The following CKAP2L variants were observed in gnomAD, a reference collection of about 807,000 sequenced individuals.
CKAP2L encodes the protein cytoskeleton-associated protein 2-like.
Under a neutral mutation model 65.7 loss-of-function variants are expected in CKAP2L, and 42 were observed. The observed-to-expected ratio is 0.64, with a 90% CI of 0.50 to 0.83. The LOEUF is 0.83. Among genes scored for constraint, CKAP2L ranks in the 40% least tolerant of loss-of-function variants. The pLI is 0.00. For missense variants in CKAP2L, 908 were observed against 871.0 expected (o/e 1.04, Z -0.53); for synonymous variants, 325 against 313.5 (o/e 1.04, Z -0.39).
Position 112,756,799 on chromosome 2 carries a change from A to G in CKAP2L, c.572T>C (p.Ile191Thr). ...TGGCTTCCTCTCAGGTTCTGTTAAG[A>G]TATCGAGCAAGTTCTCTTTGTTTGT... is the stretch of plus-strand genomic sequence containing the variant. ...KETNKENLLD[I>T]LTEPERKPDP... Residue 191 changes from isoleucine to threonine, a missense_variant, in exon 4 of 9, where the codon ATC (isoleucine) becomes ACC (threonine). Coordinates refer to ENST00000302450, the MANE Select transcript of CKAP2L (RefSeq NM_152515.5). The G allele has an allele frequency of 6.2e-7, 1 of 1,603,536 alleles. No individual in the cohort carries two copies. The highest frequency in any genetic ancestry group is 8.5e-7 in the Non-Finnish European group (1 of 1,177,088).
intron 2 of CKAP2L, among the ~76,000 whole-genome samples, chr2:112,761,460 C>CAAA (rs1182818451): frequency 1.5e-4 from 4 of 26,374 alleles, no homozygotes; most frequent in South Asian, 1.1e-3. Context: ...GACTCCGTCT[C>CAAA]AAAAAAAAAA....
intron 4 of CKAP2L, among the ~76,000 whole-genome samples, chr2:112,754,378 A>T (rs1680471074): frequency 6.6e-6 from 1 of 151,658 alleles, no homozygotes; most frequent in Non-Finnish European, 1.5e-5. Flanking sequence ...CCTCACCTTC[A>T]CTCCAACCAC....
At chr2:112,748,837 T>A (rs566075809) in intron 5 of CKAP2L, among the ~76,000 whole-genome samples, 69 of 145,736 alleles carry the variant, frequency 4.7e-4, no homozygotes, top group Non-Finnish European at 9.3e-4. Flanking sequence ...TGCACTCCAA[T>A]CTAGGCAAAA....
At chr2:112,761,038 A>G (rs1157297927) in intron 2 of CKAP2L, among the ~76,000 whole-genome samples, 1 of 152,022 alleles carries the variant, frequency 6.6e-6, no homozygotes, top group Non-Finnish European at 1.5e-5. Context: ...GCATTCTCAC[A>G]ATATTAATGA....
Position 112,757,164 on chromosome 2 carries a change from T to A in CKAP2L, c.207A>T (p.Lys69Asn). The A allele has an allele frequency of 6.2e-7, 1 of 1,613,426 alleles. No homozygotes were observed. Among genetic ancestry groups the A allele is most frequent in the Non-Finnish European group, 8.5e-7 (1 of 1,179,630 alleles). The change falls in exon 4 of 9, where the codon AAA becomes AAT. Residue 69 changes from lysine (K) to asparagine (N), a missense_variant. Coordinates refer to ENST00000302450, the MANE Select transcript of CKAP2L (RefSeq NM_152515.5). ...DVTNHVVLPV[K>N]PKRSISIKLQ... ...GTTTAATGCTGATGGACCTTTTAGG[T>A]TTGACAGGCAAAACAACATGGTTGG...
chr2:112,760,639 C>G, intron 3 of CKAP2L, 74 bp downstream of exon 3: 1 of 754,854 alleles, frequency 1.3e-6, no homozygotes, highest in Non-Finnish European at 2.2e-6. Flanking sequence ...CTTTAGGTTG[C>G]TAACATCTTT....
intron 5 of CKAP2L, among the ~76,000 whole-genome samples, chr2:112,749,096 C>T (rs6706663): frequency 0.5 from 75,368 of 151,928 alleles, 19,212 homozygotes; most frequent in African/African-American, 0.63. Context: ...TAAATGTGTA[C>T]GAACTAAATT....
rs1180120070 is a variant in CKAP2L, at chr2:112,737,965, T to G, written c.*858A>C. The G allele has an allele frequency of 6.6e-6, 1 of 152,228 alleles. No individual in the cohort carries two copies. The highest frequency in any genetic ancestry group is 2.4e-5 in the African/African-American group (1 of 41,460). The allele number at this position is 152,228 out of a possible 1,614,324, so 9.4% of individuals were successfully genotyped here. On this transcript the variant is annotated 3_prime_UTR_variant, in exon 9 of 9. Transcript: ENST00000302450. ...TTGACTAGGTTTTTCTACACAATTA[T>G]ATTTACATAATGACTAAGGTAAAAC...
intron 1 of CKAP2L, 127 bp from the exon 2 acceptor site, chr2:112,762,696 C>CT (rs1680762118): frequency 1.4e-6 from 1 of 708,740 alleles, no homozygotes; most frequent in East Asian, 2.7e-5. Flanking sequence ...TATAAAATCC[C>CT]TAGTCCTATA....
intron 4 of CKAP2L, among the ~76,000 whole-genome samples, chr2:112,753,933 G>A (rs889207418): frequency 1.3e-5 from 2 of 152,082 alleles, no homozygotes; most frequent in Admixed American, 6.6e-5. Flanking sequence ...TGTAATTACC[G>A]TGTCTTATTT....
chr2:112,738,034 A>G lies in CKAP2L; in HGVS notation c.*789T>C, dbSNP rs535409974. 2 of 152,316 alleles carry G rather than the reference A, an allele frequency of 1.3e-5. No individual in the cohort carries two copies. The highest frequency in any genetic ancestry group is 4.8e-5 in the African/African-American group (2 of 41,572). 9.4% of individuals were successfully genotyped at this position (152,316 alleles called of 1,614,324 possible). A position where few individuals can be genotyped will look rare whatever the true frequency, so the allele number is the denominator to read the frequency against. On this transcript the variant is annotated 3_prime_UTR_variant, in exon 9 of 9. Coordinates refer to ENST00000302450, the MANE Select transcript of CKAP2L (RefSeq NM_152515.5). ...CCAGGAGGAAGAAAAAGCAACCTACAACAGTCTCTGGGGCTTGCACTGCCT... is the reference window on the plus strand; with the variant it reads ...CCAGGAGGAAGAAAAAGCAACCTACGACAGTCTCTGGGGCTTGCACTGCCT...
rs1680393223 is a variant in CKAP2L, at chr2:112,752,270, T to G, written c.1599A>C (p.Glu533Asp). ...NTLTECLNLI[E>D]GGVPSNEILN... is the part of the protein sequence containing the mutation. ...GGAGCTTATCTTCTTCACTTACCCC[T>G]TCGATGAGGTTCAGACATTCTGTCA... The change falls in exon 5 of 9, where the codon GAA becomes GAC. Residue 533 changes from glutamate (E) to aspartate (D), a missense_variant. Physicochemically the swap from Glu to Asp is conservative, Grantham distance 45. Transcript: ENST00000302450. 1 of 1,610,568 alleles carries G rather than the reference T, an allele frequency of 6.2e-7. No individual in the cohort carries two copies. Among genetic ancestry groups the G allele is most frequent in the African/African-American group, 1.3e-5 (1 of 74,774 alleles).
rs1680565320 is a variant in CKAP2L at position 112,757,107 on chromosome 2, G to C, written c.264C>G (p.Ser88=). ...TTGGTGGCTCCAACTTCGGCTTCTG[G>C]GACCCTGCAGTATTAGGTGGTCTGG... ...LQPRPPNTAG[S]QKPKLEPPKL... is the part of the protein sequence containing the mutation. The change falls in exon 4 of 9, where the codon TCC becomes TCG. Residue 88 remains serine, a synonymous_variant. Transcript: ENST00000302450. 6.2e-7 allele frequency: 1 copy of C among 1,614,086 alleles called. No individual in the cohort carries two copies. Among genetic ancestry groups the C allele is most frequent in the South Asian group, 1.1e-5 (1 of 91,078 alleles).
In CKAP2L at chr2:112,738,960, G is replaced by C; in HGVS notation, c.2101C>G (p.Pro701Ala). 6.2e-7 allele frequency: 1 copy of C among 1,614,118 alleles called. No homozygotes were observed. The highest frequency in any genetic ancestry group is 8.5e-7 in the Non-Finnish European group (1 of 1,180,018). ...SRIERAVSRY[P>A]EMLQEHDLVV... ...AAATCGTGTTCCTGCAGCATTTCTGGGTAGCGGGACACTGCTCGCTCAATC... is the reference window on the plus strand; with the variant it reads ...AAATCGTGTTCCTGCAGCATTTCTGCGTAGCGGGACACTGCTCGCTCAATC... Residue 701 changes from proline to alanine, a missense_variant, in exon 9 of 9, where the codon CCA becomes GCA. By Grantham distance (27) the Pro-to-Ala change is conservative. Coordinates refer to ENST00000302450, the MANE Select transcript of CKAP2L (RefSeq NM_152515.5).
chr2:112,756,318 G>C lies in CKAP2L; in HGVS notation c.1053C>G (p.Ile351Met). 6.2e-7 allele frequency: 1 copy of C among 1,613,800 alleles called. No homozygotes were observed. Among genetic ancestry groups the C allele is most frequent in the Non-Finnish European group, 8.5e-7 (1 of 1,179,854 alleles). ...QGEYNNRHPN[I>M]KQDQKSSQVC... ...CTTGGCTGGACTTCTGATCTTGCTT[G>C]ATGTTTGGATGTCTGTTGTTATATT... Residue 351 changes from isoleucine (I) to methionine (M), a missense_variant, in exon 4 of 9, where the codon ATC (isoleucine) becomes ATG (methionine). Coordinates refer to ENST00000302450, the MANE Select transcript of CKAP2L (RefSeq NM_152515.5).
chr2:112,750,919 T>C (rs568884363), intron 5 of CKAP2L, among the ~76,000 whole-genome samples: 1 of 152,094 alleles, frequency 6.6e-6, no homozygotes, highest in South Asian at 2.1e-4. Flanking sequence ...CAATAAAACC[T>C]GAGGTCTTTT....
In CKAP2L at chr2:112,761,954, GA is replaced by G. The variant is rs552990791; in HGVS notation, c.104+548del. 6.6e-5 allele frequency among the ~76,000 whole-genome samples: 10 copies of G among 152,262 alleles called. No individual in the cohort carries two copies. The East Asian group carries it at 1.9e-3, about 29-fold the overall frequency. ...ATAAATACTTAGCAACTCAAATGGG[GA>G]AAAAATTAATTAATGCTAAGAAAGG... On this transcript the variant is annotated intron_variant, in intron 2 of 8. Coordinates refer to ENST00000302450, the MANE Select transcript of CKAP2L (RefSeq NM_152515.5).
Position 112,737,149 on chromosome 2 carries a change from A to C in CKAP2L, c.*1674T>G, listed in dbSNP as rs2104823876. ...ACCATGTTGGTCAAGCTGGTCTTGA[A>C]CTCCTGACCTCAGGTGATTCACCCA... On this transcript the variant is annotated 3_prime_UTR_variant, in exon 9 of 9. Coordinates refer to ENST00000302450, the MANE Select transcript of CKAP2L (RefSeq NM_152515.5). The C allele has an allele frequency of 6.6e-6, 1 of 152,082 alleles. No homozygotes were observed. The highest frequency in any genetic ancestry group is 2.4e-5 in the African/African-American group (1 of 41,482). The allele number at this position is 152,082 out of a possible 1,614,324, so 9.4% of individuals were successfully genotyped here.
In CKAP2L at chr2:112,762,934, C is replaced by T. The variant is rs116805170; in HGVS notation, c.38-365G>A. Among the ~76,000 whole-genome samples, 646 of 152,182 alleles carry T rather than the reference C, an allele frequency of 4.2e-3. 3 individuals carry two copies. Among genetic ancestry groups the T allele is most frequent in the African/African-American group, 0.015 (609 of 41,500 alleles). ...GAGTAGCTGGGAATACAGGCGTGTA[C>T]CACCATGCTGGATAATTTTAAAAAA... On this transcript the variant is annotated intron_variant, in intron 1 of 8. Coordinates refer to ENST00000302450, the MANE Select transcript of CKAP2L (RefSeq NM_152515.5).
Sources: gnomAD v4.1 joint callset for allele counts (sites outside exome capture counted in the v4.1 genomes callset) on GRCh38, gnomAD v4.1.1 for gene constraint, MANE v1.5 for transcripts, NCBI Gene and HGNC (gene_info 2026-07-23, HGNC 2026-07-21) for gene names.